The following ADGRL2 variants were observed in gnomAD, a reference collection of about 807,000 sequenced individuals.
ADGRL2 encodes the protein calcium-independent alpha-latrotoxin receptor 2.
Under a neutral mutation model 157.4 loss-of-function variants are expected in ADGRL2, and 44 were observed. The observed-to-expected ratio is 0.28, with a 90% CI of 0.22 to 0.36. The LOEUF (loss-of-function observed/expected upper bound fraction) is 0.36, where lower values mean the gene tolerates loss of function less well. Among genes scored for constraint, ADGRL2 ranks in the 10% least tolerant of loss-of-function variants. The pLI, the probability that ADGRL2 is intolerant of heterozygous loss-of-function variation, is 1.00. For synonymous variants in ADGRL2, 585 were observed against 624.7 expected (o/e 0.94, Z 0.95); for missense variants, 1,510 against 1,768.9 (o/e 0.85, Z 2.63).
rs777333460 is a variant in ADGRL2 at position 81,986,951 on chromosome 1, A to G, written c.3559A>G (p.Thr1187Ala). The G allele has an allele frequency of 1.2e-6, 2 of 1,611,388 alleles. No homozygotes were observed. Among genetic ancestry groups the G allele is most frequent in the Non-Finnish European group, 1.7e-6 (2 of 1,179,162 alleles). ...AAACCCTCTTCTTCGACCCCACGGC[A>G]CTAACAACCCCTATAACACATTGCT... ...LTNPLLRPHG[T>A]NNPYNTLLAE... The change falls in exon 22 of 24, where the codon ACT (threonine) becomes GCT (alanine). Residue 1187 changes from threonine to alanine, a missense_variant. Coordinates refer to ENST00000686636, the MANE Select transcript of ADGRL2 (RefSeq NM_001366006.2).
intron 1 of ADGRL2, among the ~76,000 whole-genome samples, chr1:81,710,647 A>G (rs930306102): frequency 6.7e-6 from 1 of 149,652 alleles, no homozygotes; most frequent in Non-Finnish European, 1.5e-5. Context: ...AAAAAAAAGA[A>G]CTTTTATTTT....
intron 3 of ADGRL2, among the ~76,000 whole-genome samples, chr1:81,584,567 T>C (rs775004195): frequency 2.0e-4 from 30 of 152,166 alleles, no homozygotes; most frequent in Non-Finnish European, 3.5e-4. Context: ...AACAGAATGT[T>C]CTGGTTTTAA....
At chr1:81,374,308 C>T (rs1002598975) in intron 1 of ADGRL2, among the ~76,000 whole-genome samples, 52 of 138,740 alleles carry the variant, frequency 3.7e-4, no homozygotes, top group African/African-American at 1.2e-3. Flanking sequence ...TGGTGGCTCA[C>T]GCCTATAAAT....
intron 2 of ADGRL2, among the ~76,000 whole-genome samples, chr1:81,478,562 A>G (rs1167626722): frequency 6.6e-6 from 1 of 152,216 alleles, no homozygotes; most frequent in Non-Finnish European, 1.5e-5. Context: ...TGATAAGAAC[A>G]GTTTGTTTCA....
chr1:81,846,605 T>C (rs2092800384), intron 2 of ADGRL2, among the ~76,000 whole-genome samples: 1 of 152,098 alleles, frequency 6.6e-6, no homozygotes, highest in South Asian at 2.1e-4. Context: ...GGGTGCGTCT[T>C]ACTATTCCTG....
At chr1:81,892,962 T>C (rs2094301464) in intron 2 of ADGRL2, among the ~76,000 whole-genome samples, 1 of 152,188 alleles carries the variant, frequency 6.6e-6, no homozygotes, top group Admixed American at 6.6e-5. Context: ...AAATATAAAT[T>C]AACATCACAG....
At chr1:81,334,785 T>C (rs532924079) in intron 1 of ADGRL2, among the ~76,000 whole-genome samples, 3 of 152,176 alleles carry the variant, frequency 2.0e-5, no homozygotes, top group African/African-American at 4.8e-5. Flanking sequence ...TTATCACACA[T>C]TGATTATCAG....
At chr1:81,970,625 T>C in intron 16 of ADGRL2, 91 bp downstream of exon 16, 1 of 902,876 alleles carries the variant, frequency 1.1e-6, no homozygotes, top group Non-Finnish European at 1.7e-6. Context: ...CAGATTAAAA[T>C]AGCATCTGAA....
chr1:81,702,668 CA>C (rs2083611015), intron 1 of ADGRL2, among the ~76,000 whole-genome samples: 1 of 152,024 alleles, frequency 6.6e-6, no homozygotes, highest in Admixed American at 6.6e-5. Flanking sequence ...AACAAATTTC[CA>C]AAATATGTAT....
intron 1 of ADGRL2, among the ~76,000 whole-genome samples, chr1:81,436,938 T>C (rs1468575433): frequency 6.6e-6 from 1 of 152,262 alleles, no homozygotes; most frequent in Admixed American, 6.5e-5. Flanking sequence ...ACCTTACCCC[T>C]TTCAGAGAAT....
intron 1 of ADGRL2, among the ~76,000 whole-genome samples, chr1:81,733,081 C>A (rs9725647): frequency 0.28 from 41,971 of 152,022 alleles, 5,929 homozygotes; most frequent in South Asian, 0.39. Context: ...TTCAGCAAGA[C>A]AATCAAACAA....
At chr1:81,523,907 C>G (rs2079386080) in intron 2 of ADGRL2, among the ~76,000 whole-genome samples, 1 of 150,860 alleles carries the variant, frequency 6.6e-6, no homozygotes, top group Admixed American at 6.6e-5. Context: ...ACTAAAAATA[C>G]AAAAGAAAGT....
intron 1 of ADGRL2, among the ~76,000 whole-genome samples, chr1:81,374,732 A>G (rs1170745639): frequency 6.6e-6 from 1 of 151,476 alleles, no homozygotes; most frequent in Non-Finnish European, 1.5e-5. Context: ...ATGCATATCC[A>G]CTCTTTTGTC....
chr1:81,523,969 G>A (rs949673626), intron 2 of ADGRL2, among the ~76,000 whole-genome samples: 4 of 152,078 alleles, frequency 2.6e-5, no homozygotes, highest in Non-Finnish European at 5.9e-5. Context: ...GGAGGCTGAG[G>A]CAGGTGAACT....
At chr1:81,816,255 G>A (rs1470750313) in intron 1 of ADGRL2, among the ~76,000 whole-genome samples, 1 of 151,638 alleles carries the variant, frequency 6.6e-6, no homozygotes, top group African/African-American at 2.4e-5. Context: ...ATTCAAGTCA[G>A]TTTTTCCTAT....
chr1:81,393,356 G>GAA (rs33999150), intron 1 of ADGRL2, among the ~76,000 whole-genome samples: 47 of 132,222 alleles, frequency 3.6e-4, no homozygotes, highest in South Asian at 1.7e-3. Flanking sequence ...ATGCCCCAGG[G>GAA]AAAAAAAAAA....
intron 2 of ADGRL2, among the ~76,000 whole-genome samples, chr1:81,543,934 G>A (rs1005512790): frequency 2.0e-5 from 3 of 152,020 alleles, no homozygotes; most frequent in Admixed American, 6.6e-5. Flanking sequence ...TATTTACACC[G>A]GGTGTTCTGT....
intron 1 of ADGRL2, among the ~76,000 whole-genome samples, chr1:81,394,425 C>T (rs2076617490): frequency 6.6e-6 from 1 of 152,130 alleles, no homozygotes; most frequent in Non-Finnish European, 1.5e-5. Context: ...GTGAGATCAA[C>T]TCTTTTGGCT....
intron 2 of ADGRL2, among the ~76,000 whole-genome samples, chr1:81,515,458 A>AG: frequency 6.6e-6 from 1 of 151,880 alleles, no homozygotes; most frequent in Admixed American, 6.6e-5. Context: ...AAAAAAAAAA[A>AG]AAGTCTTCTG....
Sources: gnomAD v4.1 joint callset for allele counts (sites outside exome capture counted in the v4.1 genomes callset) on GRCh38, gnomAD v4.1.1 for gene constraint, MANE v1.5 for transcripts, NCBI Gene and HGNC (gene_info 2026-07-23, HGNC 2026-07-21) for gene names.